TCF12: variants seen among roughly 807,000 people sequenced by gnomAD.
TCF12 encodes DNA-binding protein HTF4.
TCF12 carries 45 observed loss-of-function variants against 86.0 expected under a neutral mutation model. The observed-to-expected ratio is 0.52, with a 90% CI of 0.41 to 0.67. The LOEUF is 0.67. Among genes scored for constraint, TCF12 ranks in the 30% least tolerant of loss-of-function variants. TCF12 has a pLI of 0.00. For synonymous variants in TCF12, 330 were observed against 299.6 expected, an observed-to-expected ratio of 1.10 and a Z score of -1.05; for missense variants, 881 against 859.9, an observed-to-expected ratio of 1.02 and a Z score of -0.31.
intron 3 of TCF12, among the ~76,000 whole-genome samples, chr15:56,934,397 C>A (rs1402768098): frequency 6.6e-6 from 1 of 152,130 alleles, no homozygotes; most frequent in Non-Finnish European, 1.5e-5. Flanking sequence ...GGAGACGATA[C>A]AAAGAGGAGG....
chr15:57,129,045 C>A (rs1482065686), intron 5 of TCF12, among the ~76,000 whole-genome samples: 1 of 152,058 alleles, frequency 6.6e-6, no homozygotes, highest in Non-Finnish European at 1.5e-5. Context: ...TGGGTGTATA[C>A]CTAGGAGTGG....
chr15:57,253,868 C>G (rs2615227), intron 16 of TCF12, among the ~76,000 whole-genome samples: 50,880 of 151,996 alleles, frequency 0.33, 10,468 homozygotes, highest in African/African-American at 0.56. Context: ...TATACAGATC[C>G]AAATTTAAAC....
intron 6 of TCF12, among the ~76,000 whole-genome samples, chr15:57,186,232 C>A (rs753999863): frequency 1.3e-5 from 2 of 152,306 alleles, no homozygotes; most frequent in East Asian, 3.9e-4. Flanking sequence ...GACCCAGTGG[C>A]TCATGCCTGT....
rs148148474 is a variant in TCF12, at chr15:57,100,039, G to C, written c.325+8148G>C. Among the ~76,000 whole-genome samples the C allele has an allele frequency of 3.7e-3, 556 of 152,268 alleles. 4 individuals are homozygous for C. The highest frequency in any genetic ancestry group is 0.013 in the African/African-American group (542 of 41,542). On this transcript the variant is annotated intron_variant, in intron 5 of 20. Coordinates refer to ENST00000333725, the MANE Select transcript of TCF12 (RefSeq NM_207037.2). ...TGTCACTTGGGTGTGCATTGTCTAT[G>C]ATCAGTAGTTATCTTTATGGATCCT...
intron 6 of TCF12, among the ~76,000 whole-genome samples, chr15:57,174,271 CATGT>C (rs1429020133): frequency 4.6e-5 from 7 of 152,090 alleles, no homozygotes; most frequent in African/African-American, 1.7e-4. Flanking sequence ...TTTGAAAATC[CATGT>C]ATTTAGTTCA....
intron 4 of TCF12, among the ~76,000 whole-genome samples, chr15:57,085,463 G>C (rs140183279): frequency 0.013 from 1,953 of 152,204 alleles, 18 homozygotes; most frequent in Non-Finnish European, 0.021. Context: ...CTACATGCCC[G>C]TTAGTGTGCT....
At chr15:56,982,459 G>T (rs2062941491) in intron 3 of TCF12, among the ~76,000 whole-genome samples, 1 of 152,156 alleles carries the variant, frequency 6.6e-6, no homozygotes, top group African/African-American at 2.4e-5. Context: ...CATAATTATA[G>T]AATTGGTGCT....
rs745356810 is a variant in TCF12, at chr15:57,282,436, C to T, written c.1979-9C>T. 1 of 1,614,048 alleles carries T rather than the reference C, an allele frequency of 6.2e-7. No homozygotes were observed. The highest frequency in any genetic ancestry group is 8.5e-7 in the Non-Finnish European group (1 of 1,179,978). The stretch of plus-strand genomic sequence containing the variant: ...CCATAGTGATAAAAATTCTTTCCCC[C>T]TGTTTTAGAGAGGAACCTTAACCCC... On this transcript the variant is annotated splice_polypyrimidine_tract_variant and intron_variant, in intron 19 of 20. Transcript: ENST00000333725.
At chr15:57,213,707 A>G (rs1289913949) in intron 8 of TCF12, among the ~76,000 whole-genome samples, 1 of 152,232 alleles carries the variant, frequency 6.6e-6, no homozygotes, top group Non-Finnish European at 1.5e-5. Context: ...CCAAAAGAAG[A>G]AACAAAAAAA....
intron 5 of TCF12, chr15:57,129,870 A>T (rs1444885208): frequency 1.3e-5 from 2 of 152,248 alleles, no homozygotes; most frequent in Non-Finnish European, 2.9e-5. Flanking sequence ...TGAACGCTAG[A>T]TTCAAATGCA....
intron 3 of TCF12, among the ~76,000 whole-genome samples, chr15:57,031,283 A>T (rs2066164747): frequency 6.6e-6 from 1 of 151,950 alleles, no homozygotes; most frequent in South Asian, 2.1e-4. Context: ...TTGGATAAAC[A>T]TTTTCTTCTC....
At chr15:56,946,113 A>G (rs2060983241) in intron 3 of TCF12, among the ~76,000 whole-genome samples, 1 of 152,140 alleles carries the variant, frequency 6.6e-6, no homozygotes, top group Non-Finnish European at 1.5e-5. Context: ...TTCTCTGTGT[A>G]TGGGTGTTTG....
chr15:57,092,083 A>G, intron 5 of TCF12, 192 bp downstream of exon 5: 1 of 446,490 alleles, frequency 2.2e-6, no homozygotes, highest in South Asian at 5.0e-5. Context: ...CTACTCTTAA[A>G]GCATTATTGT....
At chr15:57,160,275 C>A (rs2054404800) in intron 5 of TCF12, among the ~76,000 whole-genome samples, 2 of 152,158 alleles carry the variant, frequency 1.3e-5, no homozygotes, top group Non-Finnish European at 2.9e-5. Context: ...GAAGGAGAAG[C>A]AAACACATCC....
At chr15:56,922,563 C>A (rs1417124396) in intron 3 of TCF12, among the ~76,000 whole-genome samples, 1 of 151,854 alleles carries the variant, frequency 6.6e-6, no homozygotes, top group Non-Finnish European at 1.5e-5. Context: ...TTGCATTGCA[C>A]AAAGAAAAAA....
intron 12 of TCF12, among the ~76,000 whole-genome samples, chr15:57,242,826 A>G (rs1597574886): frequency 6.6e-6 from 1 of 152,226 alleles, no homozygotes; most frequent in African/African-American, 2.4e-5. Flanking sequence ...AAGTAGACCT[A>G]TTAGGATTTG....
chr15:56,949,601 TAA>T (rs1221950046), intron 3 of TCF12, among the ~76,000 whole-genome samples: 1 of 152,194 alleles, frequency 6.6e-6, no homozygotes, highest in African/African-American at 2.4e-5. Context: ...AAAACTTGTT[TAA>T]AAGAGTTGAG....
intron 13 of TCF12, among the ~76,000 whole-genome samples, chr15:57,246,503 TG>T (rs1396513680): frequency 7.9e-5 from 12 of 152,128 alleles, no homozygotes; most frequent in Non-Finnish European, 8.8e-5. Context: ...TTCCTCAGGC[TG>T]GTAGCAAGAC....
intron 4 of TCF12, among the ~76,000 whole-genome samples, chr15:57,082,505 T>C (rs1165116270): frequency 6.6e-6 from 1 of 152,224 alleles, no homozygotes; most frequent in Non-Finnish European, 1.5e-5. Context: ...AAGGACTGCC[T>C]TTGGACCCAG....
Sources: allele counts gnomAD v4.1 joint callset (sites outside exome capture counted in the v4.1 genomes callset), GRCh38; gene constraint gnomAD v4.1.1; transcripts MANE v1.5; gene names NCBI Gene and HGNC (gene_info 2026-07-23, HGNC 2026-07-21).